The following DGKB variants were observed in gnomAD, a reference collection of about 807,000 sequenced individuals.
The protein encoded by DGKB is diacylglycerol kinase beta.
Under a neutral mutation model 114.3 loss-of-function variants are expected in DGKB, and 67 were observed. The observed-to-expected ratio is 0.59, with a 90% CI of 0.48 to 0.72. DGKB has a LOEUF of 0.72. Ranked by LOEUF, DGKB falls within the 30% of genes least tolerant of loss-of-function variation. The pLI is 0.00. For synonymous variants in DGKB, 398 were observed against 323.1 expected, an observed-to-expected ratio of 1.23 and a Z score of -2.49; for missense variants, 907 against 975.2, an observed-to-expected ratio of 0.93 and a Z score of 0.93.
At chr7:14,852,126 C>T (rs1002767896) in intron 1 of DGKB, among the ~76,000 whole-genome samples, 3 of 152,056 alleles carry the variant, frequency 2.0e-5, no homozygotes, top group African/African-American at 7.2e-5. Flanking sequence ...ACATTTGACA[C>T]ATATAAAATG....
At chr7:14,953,623 G>A (rs1786332954) in intron 1 of DGKB, among the ~76,000 whole-genome samples, 1 of 152,072 alleles carries the variant, frequency 6.6e-6, no homozygotes, top group Admixed American at 6.6e-5. Context: ...CAGCCACACT[G>A]GAAAACATTT....
chr7:14,497,728 C>A (rs1785511061), intron 20 of DGKB, among the ~76,000 whole-genome samples: 1 of 151,904 alleles, frequency 6.6e-6, no homozygotes, highest in Non-Finnish European at 1.5e-5. Context: ...AGAGAGTGAA[C>A]AAACTGACAT....
Position 14,705,504 on chromosome 7 carries a change from A to G in DGKB, c.467-3774T>C, listed in dbSNP as rs1204711362. Among the ~76,000 whole-genome samples the G allele has an allele frequency of 2.6e-5, 4 of 151,514 alleles. No individual in the cohort carries two copies. In the East Asian group the frequency reaches 7.8e-4, roughly 30 times the overall value. ...TACTCGAGAAGAGCAACTCCAAGAC[A>G]CATAATTGTCAGATTCACCAAAGTT... On this transcript the variant is annotated intron_variant, in intron 6 of 25. Transcript: ENST00000402815.
At chr7:14,862,003 C>T (rs1374556542) in intron 1 of DGKB, among the ~76,000 whole-genome samples, 1 of 151,942 alleles carries the variant, frequency 6.6e-6, no homozygotes, top group Non-Finnish European at 1.5e-5. Context: ...TACCACTGAT[C>T]CACATTATCA....
At chr7:14,291,654 T>C (rs1416163123) in intron 23 of DGKB, among the ~76,000 whole-genome samples, 1 of 152,208 alleles carries the variant, frequency 6.6e-6, no homozygotes, top group East Asian at 1.9e-4. Flanking sequence ...TTCAATGTAA[T>C]CACTTTTACA....
chr7:14,445,444 CTTTA>C (rs1229772554), intron 21 of DGKB, among the ~76,000 whole-genome samples: 4 of 151,924 alleles, frequency 2.6e-5, no homozygotes, highest in South Asian at 2.1e-4. Context: ...TAGCCCCTTT[CTTTA>C]TTTGTCAGCC....
At chr7:14,444,962 A>G (rs957403327) in intron 21 of DGKB, among the ~76,000 whole-genome samples, 1 of 151,906 alleles carries the variant, frequency 6.6e-6, no homozygotes, top group Non-Finnish European at 1.5e-5. Flanking sequence ...GAGAAATATT[A>G]TAACTATTTA....
At chr7:14,574,172 CA>C in intron 20 of DGKB, 39 bp downstream of exon 20, 1 of 1,523,316 alleles carries the variant, frequency 6.6e-7, no homozygotes, top group South Asian at 1.2e-5. Context: ...TGTGATTATA[CA>C]GTACAGGTAC....
rs1250365269 is a variant in DGKB at position 14,248,013 on chromosome 7, G to GTTGA, written c.2123-69866_2123-69863dup. Among the ~76,000 whole-genome samples the GTTGA allele has an allele frequency of 2.0e-5, 3 of 152,084 alleles. No homozygotes were observed. In the East Asian group the frequency reaches 5.8e-4, roughly 29 times the overall value. ...TGTTTAAAATTTTAATCCATTTTAG[G>GTTGA]TTGATTTTTTTTATATGTTGTGAAA... On this transcript the variant is annotated intron_variant, in intron 23 of 25. Coordinates refer to ENST00000402815, the MANE Select transcript of DGKB (RefSeq NM_001350709.2).
rs35339151 is a variant in DGKB at position 14,694,174 on chromosome 7, T to C, written c.612A>G (p.Glu204=). Residue 204 remains glutamate (E), a synonymous_variant, in exon 9 of 26, where the codon GAA becomes GAG. Coordinates refer to ENST00000402815, the MANE Select transcript of DGKB (RefSeq NM_001350709.2). ...TTCCATCATGATCATAGTCAATTTC[T>C]TCCATCATTTCATGGAGGATCTGGA... ...ELNPILHEMM[E]EIDYDHDGTV... The C allele has an allele frequency of 2.0e-3, 3,114 of 1,575,236 alleles. 53 individuals carry two copies. In the African/African-American group the frequency reaches 0.037, roughly 19 times the overall value.
chr7:14,706,999 A>C (rs1352057463), intron 6 of DGKB, among the ~76,000 whole-genome samples: 4 of 150,852 alleles, frequency 2.7e-5, no homozygotes, highest in East Asian at 2.0e-4. Flanking sequence ...AGACACAAAA[A>C]ACCCTTCAAA....
rs73680357 is a variant in DGKB, at chr7:14,859,251, G to C, written c.-187-17801C>G. The stretch of plus-strand genomic sequence containing the variant: ...TGGGAAAAAAAGCAGTTTGTACCTG[G>C]ACAAAAGACCTGAATATCAAGAAAA... On this transcript the variant is annotated intron_variant, in intron 1 of 25. Coordinates refer to ENST00000402815, the MANE Select transcript of DGKB (RefSeq NM_001350709.2). Among the ~76,000 whole-genome samples the C allele has an allele frequency of 1.7e-3, 260 of 152,182 alleles. 1 individual carries two copies. The highest frequency in any genetic ancestry group is 5.6e-3 in the African/African-American group (232 of 41,518).
At chr7:14,464,168 G>T (rs12699618) in intron 21 of DGKB, among the ~76,000 whole-genome samples, 53,189 of 151,732 alleles carry the variant, frequency 0.35, 9,642 homozygotes, top group South Asian at 0.42. Flanking sequence ...TTATCATTAG[G>T]TGAGTAGAAA....
rs142664056 is a variant in DGKB at position 14,257,276 on chromosome 7, A to T, written c.2123-79125T>A. On this transcript the variant is annotated intron_variant, in intron 23 of 25. Transcript: ENST00000402815. ...GTTCTAGGCTTTCTGTTACCTGAACACGAAATGCATTTACGATTTCTACCC... is the reference window on the plus strand; with the variant it reads ...GTTCTAGGCTTTCTGTTACCTGAACTCGAAATGCATTTACGATTTCTACCC... 2.9e-3 allele frequency among the ~76,000 whole-genome samples: 449 copies of T among 152,304 alleles called. 3 individuals are homozygous for T. Among genetic ancestry groups the T allele is most frequent in the African/African-American group, 0.01 (430 of 41,568 alleles).
At chr7:14,936,125 T>G (rs928074824) in intron 1 of DGKB, among the ~76,000 whole-genome samples, 1 of 152,186 alleles carries the variant, frequency 6.6e-6, no homozygotes, top group Admixed American at 6.6e-5. Flanking sequence ...GTTTTTAACA[T>G]GGTTTATATA....
At chr7:14,634,136 A>T (rs1259217899) in intron 13 of DGKB, among the ~76,000 whole-genome samples, 1 of 151,040 alleles carries the variant, frequency 6.6e-6, no homozygotes, top group Non-Finnish European at 1.5e-5. Flanking sequence ...CCTACATAAG[A>T]ACATTTATAT....
At chr7:14,911,727 C>A (rs1587365542) in intron 1 of DGKB, among the ~76,000 whole-genome samples, 1 of 152,264 alleles carries the variant, frequency 6.6e-6, no homozygotes, top group East Asian at 1.9e-4. Flanking sequence ...GGAAAAGCAT[C>A]TGGGTACTAT....
intron 23 of DGKB, among the ~76,000 whole-genome samples, chr7:14,305,204 C>T (rs1804265454): frequency 6.6e-6 from 1 of 152,116 alleles, no homozygotes; most frequent in African/African-American, 2.4e-5. Context: ...AGTCACCCTA[C>T]TGTGCTATTG....
intron 1 of DGKB, among the ~76,000 whole-genome samples, chr7:14,891,482 A>G (rs1781217320): frequency 6.6e-6 from 1 of 151,486 alleles, no homozygotes; most frequent in Non-Finnish European, 1.5e-5. Context: ...GCAGCACTGA[A>G]AGAATGAATA....
Sources: gnomAD v4.1 joint callset for allele counts (sites outside exome capture counted in the v4.1 genomes callset) on GRCh38, gnomAD v4.1.1 for gene constraint, MANE v1.5 for transcripts, NCBI Gene and HGNC (gene_info 2026-07-23, HGNC 2026-07-21) for gene names.